EOGT: variants seen among roughly 807,000 people sequenced by gnomAD.
EOGT encodes EGF domain-specific O-linked N-acetylglucosamine transferase.
In EOGT, 55 loss-of-function variants were observed where a neutral mutation model predicts 70.5. The ratio of observed to expected loss-of-function variants is 0.78; its 90% CI spans 0.63 to 0.98. The LOEUF is 0.98. EOGT is among the 50% of genes least tolerant of loss of function. The pLI is 0.00. For missense variants in EOGT, 703 were observed against 641.9 expected, an observed-to-expected ratio of 1.10 and a Z score of -1.03; for synonymous variants, 246 against 217.1, an observed-to-expected ratio of 1.13 and a Z score of -1.17.
At chr3:68,985,828 C>A (rs1298179337) in intron 14 of EOGT, among the ~76,000 whole-genome samples, 1 of 152,202 alleles carries the variant, frequency 6.6e-6, no homozygotes, top group Non-Finnish European at 1.5e-5. Context: ...TAACACAACA[C>A]AATTTATCCC....
intron 8 of EOGT, 67 bp from the exon 9 acceptor site, chr3:69,001,781 C>A: frequency 9.1e-7 from 1 of 1,095,614 alleles, no homozygotes; most frequent in Non-Finnish European, 1.4e-6. Flanking sequence ...AACACTGTAA[C>A]TTAGGATCTG....
At chr3:68,982,931 CT>C in intron 14 of EOGT, 59 bp from the exon 15 acceptor site, 1 of 1,322,872 alleles carries the variant, frequency 7.6e-7, no homozygotes, top group South Asian at 1.4e-5. Context: ...CTGTTTTTCC[CT>C]TATGAGTCCT....
At chr3:68,993,528 C>A (rs745485116) in intron 10 of EOGT, among the ~76,000 whole-genome samples, 1 of 152,182 alleles carries the variant, frequency 6.6e-6, no homozygotes, top group Admixed American at 6.5e-5. Context: ...CAACAAGTCT[C>A]TAGGAAGTTG....
At chr3:68,979,028 A>C (rs997100273) in intron 16 of EOGT, among the ~76,000 whole-genome samples, 1 of 152,212 alleles carries the variant, frequency 6.6e-6, no homozygotes, top group Non-Finnish European at 1.5e-5. Context: ...ATTTAAATAC[A>C]GAGTCAAATC....
At chr3:68,997,576 C>G (rs1575754185) in intron 10 of EOGT, among the ~76,000 whole-genome samples, 1 of 152,156 alleles carries the variant, frequency 6.6e-6, no homozygotes, top group South Asian at 2.1e-4. Flanking sequence ...ACCATGTTGG[C>G]CAGGCTAGTC....
At chr3:68,979,589 G>A in intron 16 of EOGT, 79 bp downstream of exon 16, 1 of 1,447,294 alleles carries the variant, frequency 6.9e-7, no homozygotes, top group Non-Finnish European at 9.4e-7. Flanking sequence ...TAAGCCTTTT[G>A]ATGCTCAGAA....
Position 69,005,122 on chromosome 3 carries a change from C to T in EOGT, c.515+18G>A, listed in dbSNP as rs760460037. On this transcript the variant is annotated intron_variant, in intron 7 of 17. Transcript: ENST00000383701. Reference sequence around the variant, plus strand: ...TTTCAGAATTTATACTAGATGTTAACATTAACCACTAAAGTACCTGTCATG... The same window carrying T: ...TTTCAGAATTTATACTAGATGTTAATATTAACCACTAAAGTACCTGTCATG... 7.5e-7 allele frequency: 1 copy of T among 1,341,258 alleles called. No homozygotes were observed. Among genetic ancestry groups the T allele is most frequent in the Admixed American group, 2.0e-5 (1 of 50,404 alleles). 83.1% of individuals were successfully genotyped at this position (1,341,258 alleles called of 1,614,324 possible).
intron 8 of EOGT, among the ~76,000 whole-genome samples, chr3:69,003,804 A>G (rs913890391): frequency 1.9e-4 from 29 of 152,198 alleles, no homozygotes; most frequent in African/African-American, 7.0e-4. Context: ...TAAAAGTTAC[A>G]TGGGTGGGTT....
intron 9 of EOGT, among the ~76,000 whole-genome samples, chr3:69,001,202 C>T (rs556284571): frequency 6.6e-6 from 1 of 152,136 alleles, no homozygotes; most frequent in African/African-American, 2.4e-5. Flanking sequence ...TCGTGATCTG[C>T]CTGCCTCGGC....
intron 16 of EOGT, 57 bp from the exon 17 acceptor site, chr3:68,978,492 A>C: frequency 8.2e-7 from 1 of 1,220,118 alleles, no homozygotes; most frequent in East Asian, 2.5e-5. Context: ...TTTCCAAATC[A>C]ACAACTCTGC....
chr3:69,009,894 A>C, intron 3 of EOGT, 34 bp from the exon 4 acceptor site: 1 of 1,413,416 alleles, frequency 7.1e-7, no homozygotes, highest in Non-Finnish European at 9.8e-7. Context: ...TTTGTTAACA[A>C]ATTTCCTTTA....
chr3:69,009,705 G>C lies in EOGT; in HGVS notation c.142C>G (p.Pro48Ala). 2 of 1,614,058 alleles carry C rather than the reference G, an allele frequency of 1.2e-6. No individual in the cohort carries two copies. Among genetic ancestry groups the C allele is most frequent in the Middle Eastern group, 1.6e-4 (1 of 6,062 alleles). Residue 48 changes from proline to alanine, a missense_variant, in exon 4 of 18, where the codon CCC (proline) becomes GCC (alanine). Physicochemically the swap from Pro to Ala is conservative, Grantham distance 27. Transcript: ENST00000383701. ...ASIRLPEEHI[P>A]FFLHNNRHIA... ...TGCCTATTGTTGTGCAAAAAGAAGG[G>C]AATGTGCTCCTCTGGCAAGCGGATG...
chr3:69,001,974 G>C (rs181235805), intron 8 of EOGT, among the ~76,000 whole-genome samples: 2 of 152,306 alleles, frequency 1.3e-5, no homozygotes, highest in African/African-American at 2.4e-5. Flanking sequence ...GTCAGATCAC[G>C]AGGTCAGGAG....
At chr3:69,013,201 G>C (rs1028831442) in intron 1 of EOGT, among the ~76,000 whole-genome samples, 20 of 152,080 alleles carry the variant, frequency 1.3e-4, no homozygotes, top group Non-Finnish European at 1.0e-4. Context: ...TTCGGGGTCG[G>C]TGATCTCCCG....
intron 9 of EOGT, among the ~76,000 whole-genome samples, chr3:69,000,965 T>G (rs1273703446): frequency 6.6e-6 from 1 of 151,898 alleles, no homozygotes; most frequent in Non-Finnish European, 1.5e-5. Flanking sequence ...TGATTTTTTT[T>G]TTTTTTTTTT....
chr3:68,993,258 T>C (rs1294690036), intron 10 of EOGT, among the ~76,000 whole-genome samples: 1 of 152,158 alleles, frequency 6.6e-6, no homozygotes, highest in Non-Finnish European at 1.5e-5. Context: ...TAAAACTGAG[T>C]GTCTTTCACA....
In EOGT at chr3:68,990,598, C is replaced by T. The variant is rs185988720; in HGVS notation, c.832-1581G>A. 2.6e-5 allele frequency among the ~76,000 whole-genome samples: 4 copies of T among 152,250 alleles called. No individual in the cohort carries two copies. In the East Asian group the frequency reaches 7.7e-4, roughly 29 times the overall value. ...CAAACTCCTGAGCTCAAGTGCTCCGCCTACCACGGCCTCCTAAAGTGCTGA... is the reference window on the plus strand; with the variant it reads ...CAAACTCCTGAGCTCAAGTGCTCCGTCTACCACGGCCTCCTAAAGTGCTGA... On this transcript the variant is annotated intron_variant, in intron 10 of 17. Coordinates refer to ENST00000383701, the MANE Select transcript of EOGT (RefSeq NM_001278689.2).
At chr3:69,003,608 G>A (rs1166148599) in intron 8 of EOGT, among the ~76,000 whole-genome samples, 2 of 152,092 alleles carry the variant, frequency 1.3e-5, no homozygotes, top group African/African-American at 2.4e-5. Flanking sequence ...TCAGTCTTGG[G>A]TATAATACAT....
At position 68,988,578 on chromosome 3, in the gene EOGT, C is replaced by A; in HGVS notation, c.925-1G>T. The A allele has an allele frequency of 6.6e-7, 1 of 1,522,174 alleles. No homozygotes were observed. The highest frequency in any genetic ancestry group is 1.2e-5 in the South Asian group (1 of 82,802). The allele number at this position is 1,522,174 out of a possible 1,614,324, so 94.3% of individuals were successfully genotyped here. A position where few individuals can be genotyped will look rare whatever the true frequency, so the allele number is the denominator to read the frequency against. On this transcript the variant is annotated splice_acceptor_variant, in intron 11 of 17. Transcript: ENST00000383701. LOFTEE classifies it high-confidence loss of function. ...AAAAAACAGCTTCTTTAAAACATAC[C>A]TAAGAACAAAGATACATTAAAAGAA... is the stretch of plus-strand genomic sequence containing the variant.
Sources: allele counts gnomAD v4.1 joint callset (sites outside exome capture counted in the v4.1 genomes callset), GRCh38; gene constraint gnomAD v4.1.1; transcripts MANE v1.5; gene names NCBI Gene and HGNC (gene_info 2026-07-23, HGNC 2026-07-21).